Variants in FOXN2 observed in about 807,000 individuals in gnomAD.
FOXN2 encodes the protein forkhead box N2.
In FOXN2, 19 loss-of-function variants were observed where a neutral mutation model predicts 41.2. That is an observed-to-expected ratio of 0.46 (90% CI 0.32 to 0.68). FOXN2 has a LOEUF of 0.68. FOXN2 is among the 30% of genes least tolerant of loss of function. The pLI is 0.03. For synonymous variants in FOXN2, 195 were observed against 176.8 expected, an observed-to-expected ratio of 1.10 and a Z score of -0.82; for missense variants, 587 against 509.4, an observed-to-expected ratio of 1.15 and a Z score of -1.47.
intron 5 of FOXN2, among the ~76,000 whole-genome samples, chr2:48,370,942 T>A (rs1382067705): frequency 6.6e-6 from 1 of 152,178 alleles, no homozygotes; most frequent in Admixed American, 6.5e-5. Context: ...TACATTTAGG[T>A]CTTTGATCCA....
At chr2:48,340,690 C>T (rs1406613792) in intron 2 of FOXN2, 3 of 152,032 alleles carry the variant, frequency 2.0e-5, no homozygotes. Flanking sequence ...ATTGATGTCT[C>T]CATAGAGACT....
rs1673336409 is a variant in FOXN2, at chr2:48,377,664, C to T, written c.*2221C>T. 6.6e-6 allele frequency: 1 copy of T among 151,988 alleles called. No individual in the cohort carries two copies. The highest frequency in any genetic ancestry group is 2.4e-5 in the African/African-American group (1 of 41,424). The allele number at this position is 151,988 out of a possible 1,614,324, so 9.4% of individuals were successfully genotyped here. A position where few individuals can be genotyped will look rare whatever the true frequency, so the allele number is the denominator to read the frequency against. On this transcript the variant is annotated 3_prime_UTR_variant, in exon 7 of 7. Transcript: ENST00000340553. ...ATTTAAATGTTTAAGTTATATTCAT[C>T]ACTAGCAAGGATGATAAACACTTGT...
intron 2 of FOXN2, among the ~76,000 whole-genome samples, chr2:48,334,446 A>G (rs950809925): frequency 2.6e-5 from 4 of 151,762 alleles, no homozygotes; most frequent in Admixed American, 2.6e-4. Context: ...AGGATAATGT[A>G]CTTTAGTGAC....
At chr2:48,324,616 T>C (rs887278976) in intron 1 of FOXN2, among the ~76,000 whole-genome samples, 12 of 152,214 alleles carry the variant, frequency 7.9e-5, no homozygotes, top group Non-Finnish European at 8.8e-5. Context: ...TCTATTCAAA[T>C]TGGCAGCAAG....
At chr2:48,351,318 C>G (rs994837701) in intron 3 of FOXN2, among the ~76,000 whole-genome samples, 3 of 145,164 alleles carry the variant, frequency 2.1e-5, no homozygotes, top group African/African-American at 7.7e-5. Flanking sequence ...CCCTCTATCG[C>G]CCAGGCTGGA....
At position 48,359,067 on chromosome 2, in the gene FOXN2, A is replaced by G; in HGVS notation, c.558A>G (p.Leu186=). 6.2e-7 allele frequency: 1 copy of G among 1,613,416 alleles called. No individual in the cohort carries two copies. The highest frequency in any genetic ancestry group is 8.5e-7 in the Non-Finnish European group (1 of 1,179,600). Residue 186 remains leucine (L), a synonymous_variant, in exon 4 of 7, where the codon TTA becomes TTG. Coordinates refer to ENST00000340553, the MANE Select transcript of FOXN2 (RefSeq NM_002158.4). ...TCTAGGTTAATGGAAAAGGTTCCTTATGGTGTGTTGATCCGGAATATAAAC... is the reference window on the plus strand; with the variant it reads ...TCTAGGTTAATGGAAAAGGTTCCTTGTGGTGTGTTGATCCGGAATATAAAC... ...SHGKVNGKGS[L]WCVDPEYKPN...
At chr2:48,324,980 GT>G (rs1669568022) in intron 1 of FOXN2, among the ~76,000 whole-genome samples, 1 of 152,314 alleles carries the variant, frequency 6.6e-6, no homozygotes, top group South Asian at 2.1e-4. Flanking sequence ...CAATCCAGTT[GT>G]TAGAATATCA....
At chr2:48,334,058 G>A (rs182073223) in intron 2 of FOXN2, among the ~76,000 whole-genome samples, 143 of 151,858 alleles carry the variant, frequency 9.4e-4, no homozygotes, top group African/African-American at 3.3e-3. Context: ...GGTTTTTTTG[G>A]TAACTTAAAT....
chr2:48,369,650 T>A (rs1394853723), intron 5 of FOXN2, among the ~76,000 whole-genome samples: 2 of 152,206 alleles, frequency 1.3e-5, no homozygotes, highest in Non-Finnish European at 2.9e-5. Context: ...TAATGCATTT[T>A]CTTGTTAGAT....
At chr2:48,319,187 G>A (rs1299070719) in intron 1 of FOXN2, among the ~76,000 whole-genome samples, 1 of 150,864 alleles carries the variant, frequency 6.6e-6, no homozygotes, top group Non-Finnish European at 1.5e-5. Context: ...TTTGAAAGGT[G>A]TGTTGGAGAA....
intron 1 of FOXN2, among the ~76,000 whole-genome samples, chr2:48,320,104 A>C (rs912011281): frequency 2.0e-5 from 3 of 152,082 alleles, no homozygotes; most frequent in African/African-American, 7.2e-5. Flanking sequence ...TCTTATAATT[A>C]AGATTTTACT....
intron 1 of FOXN2, among the ~76,000 whole-genome samples, chr2:48,327,278 A>G (rs1426481029): frequency 6.6e-6 from 1 of 152,128 alleles, no homozygotes; most frequent in Non-Finnish European, 1.5e-5. Flanking sequence ...AGCAAATAGA[A>G]CTAACATCCA....
chr2:48,346,130 A>T, intron 2 of FOXN2, 71 bp from the exon 3 acceptor site: 1 of 1,326,280 alleles, frequency 7.5e-7, no homozygotes, highest in Non-Finnish European at 1.0e-6. Flanking sequence ...GGATATTTAC[A>T]TATGTATTTT....
At chr2:48,324,710 C>T (rs1470619151) in intron 1 of FOXN2, among the ~76,000 whole-genome samples, 2 of 152,034 alleles carry the variant, frequency 1.3e-5, no homozygotes, top group African/African-American at 4.8e-5. Context: ...CTTTGGTTAA[C>T]GATACTTTTG....
chr2:48,349,610 C>A (rs184933944), intron 3 of FOXN2, among the ~76,000 whole-genome samples: 2 of 152,032 alleles, frequency 1.3e-5, no homozygotes, highest in South Asian at 2.1e-4. Context: ...CCTGTCTCTA[C>A]GAAAAATACA....
intron 5 of FOXN2, among the ~76,000 whole-genome samples, chr2:48,368,397 G>C (rs146125247): frequency 6.6e-6 from 1 of 152,284 alleles, no homozygotes; most frequent in East Asian, 1.9e-4. Flanking sequence ...AAAATTGGCT[G>C]AACGCGGTGG....
At chr2:48,353,266 C>T (rs1341246873) in intron 3 of FOXN2, among the ~76,000 whole-genome samples, 2 of 152,166 alleles carry the variant, frequency 1.3e-5, no homozygotes, top group Non-Finnish European at 2.9e-5. Context: ...CACAAGACTA[C>T]TTGCTATTCC....
At chr2:48,318,855 C>T (rs1303374868) in intron 1 of FOXN2, among the ~76,000 whole-genome samples, 1 of 152,148 alleles carries the variant, frequency 6.6e-6, no homozygotes, top group Non-Finnish European at 1.5e-5. Flanking sequence ...CATAAAATTA[C>T]TGAAGCCCTG....
At chr2:48,364,801 T>A (rs1572769339) in intron 5 of FOXN2, among the ~76,000 whole-genome samples, 1 of 152,362 alleles carries the variant, frequency 6.6e-6, no homozygotes, top group South Asian at 2.1e-4. Context: ...CTGTGAAAAT[T>A]CATTGCAACA....
Sources: allele counts gnomAD v4.1 joint callset (sites outside exome capture counted in the v4.1 genomes callset), GRCh38; gene constraint gnomAD v4.1.1; transcripts MANE v1.5; gene names NCBI Gene and HGNC (gene_info 2026-07-23, HGNC 2026-07-21).